Variants in MAPKAP1 observed in about 807,000 individuals in gnomAD.
MAPKAP1 encodes the protein MAPK associated protein 1.
MAPKAP1 carries 20 observed loss-of-function variants against 65.7 expected under a neutral mutation model. The observed-to-expected ratio is 0.30, with a 90% CI of 0.21 to 0.44. The LOEUF (loss-of-function observed/expected upper bound fraction) is 0.44. Ranked by LOEUF, MAPKAP1 falls within the 20% of genes least tolerant of loss-of-function variation. MAPKAP1 has a pLI of 1.00. For synonymous variants in MAPKAP1, 222 were observed against 244.3 expected, an observed-to-expected ratio of 0.91 and a Z score of 0.85; for missense variants, 423 against 648.0, an observed-to-expected ratio of 0.65 and a Z score of 3.77.
chr9:125,457,288 C>T (rs563433613), intron 10 of MAPKAP1, among the ~76,000 whole-genome samples: 1 of 152,226 alleles, frequency 6.6e-6, no homozygotes, highest in Non-Finnish European at 1.5e-5. Flanking sequence ...TGTGCCCGGC[C>T]CATTTAGTGA....
intron 4 of MAPKAP1, among the ~76,000 whole-genome samples, chr9:125,607,300 T>A (rs1002806989): frequency 1.3e-5 from 2 of 152,154 alleles, no homozygotes; most frequent in Non-Finnish European, 2.9e-5. Flanking sequence ...TGAACTACAC[T>A]CCTATCAAAG....
At chr9:125,703,151 A>G (rs897291998) in intron 1 of MAPKAP1, among the ~76,000 whole-genome samples, 4 of 152,212 alleles carry the variant, frequency 2.6e-5, no homozygotes, top group African/African-American at 7.2e-5. Flanking sequence ...CTGAGCAGCA[A>G]CTGCTCCCTT....
intron 7 of MAPKAP1, chr9:125,521,468 T>G (rs1589254723): frequency 8.2e-7 from 1 of 1,215,382 alleles, no homozygotes; most frequent in Non-Finnish European, 1.0e-6. Flanking sequence ...ATACAGATGG[T>G]TTTGTGGAAA....
intron 7 of MAPKAP1, among the ~76,000 whole-genome samples, chr9:125,535,452 C>T (rs1830046362): frequency 6.6e-6 from 1 of 152,050 alleles, no homozygotes; most frequent in Non-Finnish European, 1.5e-5. Context: ...TCCAGTGCAG[C>T]ATGGCACAGA....
chr9:125,466,660 G>GCC (rs1341903246), intron 10 of MAPKAP1, among the ~76,000 whole-genome samples: 3 of 152,294 alleles, frequency 2.0e-5, no homozygotes, highest in African/African-American at 7.2e-5. Flanking sequence ...TTGAGGCAAG[G>GCC]CCCCCCAGCA....
intron 1 of MAPKAP1, among the ~76,000 whole-genome samples, chr9:125,693,666 C>CGTATACATACACACACATACACGTAT (rs1488253193): frequency 4.8e-4 from 64 of 134,376 alleles, no homozygotes; most frequent in East Asian, 3.7e-3. Context: ...CATACACACA[C>CGTATACATACACACACATACACGTAT]ATATACACGT....
At chr9:125,512,495 C>A in intron 7 of MAPKAP1, among the ~76,000 whole-genome samples, 1 of 152,306 alleles carries the variant, frequency 6.6e-6, no homozygotes, top group East Asian at 1.9e-4. Context: ...TCTGCCAGCT[C>A]CTCCTCCTGG....
At chr9:125,648,758 T>G (rs935986712) in intron 4 of MAPKAP1, among the ~76,000 whole-genome samples, 2 of 151,850 alleles carry the variant, frequency 1.3e-5, no homozygotes, top group African/African-American at 2.4e-5. Flanking sequence ...CTGACCAACA[T>G]GGTGAAACCC....
chr9:125,451,053 CT>C (rs1182998053), intron 10 of MAPKAP1: 1 of 152,366 alleles, frequency 6.6e-6, no homozygotes, highest in East Asian at 1.9e-4. Flanking sequence ...GCCTGACCTA[CT>C]TACATTTCTG....
intron 7 of MAPKAP1, among the ~76,000 whole-genome samples, chr9:125,532,068 T>C (rs1829949193): frequency 1.3e-5 from 2 of 152,144 alleles, no homozygotes; most frequent in South Asian, 4.1e-4. Context: ...CTCATCCACA[T>C]TACATTTTAA....
intron 5 of MAPKAP1, 47 bp from the exon 6 acceptor site, chr9:125,559,856 G>T: frequency 1.3e-6 from 2 of 1,564,238 alleles, no homozygotes; most frequent in Non-Finnish European, 1.7e-6. Context: ...GTAGGGAAGG[G>T]ACAAGAAGAC....
rs1852766967 is a variant in MAPKAP1, at chr9:125,447,596, G to A, written c.1346-2998C>T. 4.8e-6 allele frequency: 2 copies of A among 419,064 alleles called. No homozygotes were observed. Among genetic ancestry groups the A allele is most frequent in the African/African-American group, 4.1e-5 (2 of 49,288 alleles). 26.0% of individuals were successfully genotyped at this position (419,064 alleles called of 1,614,324 possible). ...CCGAGTTCCCCTCGCTAGCAGCCCT[G>A]TTTCGCTGGGCGGCCAGAAGGGCAG... On this transcript the variant is annotated intron_variant, in intron 10 of 11. Transcript: ENST00000265960. This position sits in a 1 kb window ranked among gnomAD's most constrained non-coding sequence, Gnocchi z 4.5.
chr9:125,524,065 C>T lies in MAPKAP1; in HGVS notation c.959-17648G>A, dbSNP rs138137851. 1.2e-3 allele frequency among the ~76,000 whole-genome samples: 178 copies of T among 152,268 alleles called. 2 individuals are homozygous for T. The highest frequency in any genetic ancestry group is 8.7e-3 in the East Asian group (45 of 5,190). ...TATTTATTTATTTTTTATTTTTTTA[C>T]GTAAGTAAAGAGGCCAGGCTTGAGG... On this transcript the variant is annotated intron_variant, in intron 7 of 11. Transcript: ENST00000265960.
intron 4 of MAPKAP1, among the ~76,000 whole-genome samples, chr9:125,642,819 C>G (rs964463427): frequency 3.3e-5 from 5 of 152,190 alleles, no homozygotes; most frequent in Admixed American, 1.3e-4. Flanking sequence ...AGCCTGGACA[C>G]AGGTTGGGGT....
At chr9:125,466,488 C>A (rs1271236344) in intron 10 of MAPKAP1, among the ~76,000 whole-genome samples, 3 of 152,216 alleles carry the variant, frequency 2.0e-5, no homozygotes, top group African/African-American at 7.2e-5. Context: ...GATTGCCTTT[C>A]ATTTCTCAGA....
chr9:125,511,456 T>A (rs542584551), intron 7 of MAPKAP1, among the ~76,000 whole-genome samples: 7 of 152,318 alleles, frequency 4.6e-5, no homozygotes, highest in African/African-American at 1.7e-4. Context: ...TACCTAGGAC[T>A]GCCCAGGCCT....
At chr9:125,665,730 AATGTTATTAT>A (rs1241289546) in intron 3 of MAPKAP1, among the ~76,000 whole-genome samples, 1 of 152,152 alleles carries the variant, frequency 6.6e-6, no homozygotes, top group East Asian at 1.9e-4. Flanking sequence ...ATGTATAGGG[AATGTTATTAT>A]AACATGCACT....
chr9:125,622,639 T>G (rs1589352649), intron 4 of MAPKAP1, among the ~76,000 whole-genome samples: 1 of 152,072 alleles, frequency 6.6e-6, no homozygotes, highest in Non-Finnish European at 1.5e-5. Context: ...AGAGAAAGGG[T>G]TTCACCACGT....
intron 7 of MAPKAP1, among the ~76,000 whole-genome samples, chr9:125,511,615 A>G (rs1189517175): frequency 6.6e-6 from 1 of 152,246 alleles, no homozygotes. Context: ...GGAGGCTGAC[A>G]TGGGAGGAAA....
Sources: allele counts gnomAD v4.1 joint callset (sites outside exome capture counted in the v4.1 genomes callset), GRCh38; gene constraint gnomAD v4.1.1; non-coding constraint Gnocchi (gnomAD v3.1); transcripts MANE v1.5; gene names NCBI Gene and HGNC (gene_info 2026-07-23, HGNC 2026-07-21).